SIL1: variants seen among roughly 807,000 people sequenced by gnomAD.
SIL1 encodes the protein nucleotide exchange factor SIL1.
SIL1 carries 40 observed loss-of-function variants against 49.1 expected under a neutral mutation model. That is an observed-to-expected ratio of 0.81 (90% CI 0.63 to 1.06). The LOEUF (loss-of-function observed/expected upper bound fraction) is 1.06. Among genes scored for constraint, SIL1 ranks in the 50% least tolerant of loss-of-function variants. The pLI is 0.00. For synonymous variants in SIL1, 253 were observed against 250.8 expected (o/e 1.01, Z -0.08); for missense variants, 500 against 572.6 (o/e 0.87, Z 1.29).
intron 7 of SIL1, among the ~76,000 whole-genome samples, chr5:139,011,069 C>A (rs1180695240): frequency 1.3e-5 from 2 of 150,936 alleles, no homozygotes; most frequent in Non-Finnish European, 3.0e-5. Context: ...AGCCTCGCTG[C>A]CGCCTTGCAG....
chr5:139,006,530 C>T (rs867914439), intron 7 of SIL1, among the ~76,000 whole-genome samples: 1,503 of 144,986 alleles, frequency 0.01, 29 homozygotes, highest in African/African-American at 0.037. Flanking sequence ...TCCTTGCCCA[C>T]GCCTATGTCC....
intron 3 of SIL1, among the ~76,000 whole-genome samples, chr5:139,072,696 C>CA (rs1369721030): frequency 6.6e-6 from 1 of 151,916 alleles, no homozygotes; most frequent in African/African-American, 2.4e-5. Context: ...GCATCAAAAG[C>CA]AAAAATAGAC....
rs1415176212 is a variant in SIL1 at position 139,198,301 on chromosome 5, A to C, written c.-43T>G. On this transcript the variant is annotated 5_prime_UTR_variant, in exon 1 of 10. Coordinates refer to ENST00000394817, the MANE Select transcript of SIL1 (RefSeq NM_022464.5). Reference sequence around the variant, plus strand: ...CTCCGGCAGCCGAGTGGCAGACACAACTCCCACAATTCCAGGCGGCCGCGG... The same window carrying C: ...CTCCGGCAGCCGAGTGGCAGACACACCTCCCACAATTCCAGGCGGCCGCGG... 6.6e-6 allele frequency: 1 copy of C among 151,690 alleles called. No individual in the cohort carries two copies. Among genetic ancestry groups the C allele is most frequent in the African/African-American group, 2.4e-5 (1 of 41,244 alleles). 9.4% of individuals were successfully genotyped at this position (151,690 alleles called of 1,614,324 possible). A position where few individuals can be genotyped will look rare whatever the true frequency, so the allele number is the denominator to read the frequency against.
intron 3 of SIL1, among the ~76,000 whole-genome samples, chr5:139,110,063 GGA>G (rs1770809260): frequency 6.6e-6 from 1 of 151,974 alleles, no homozygotes; most frequent in South Asian, 2.1e-4. Context: ...TAGCTACTCA[GGA>G]GGCTGAGGCA....
At chr5:139,046,704 A>G (rs1039904734) in intron 4 of SIL1, among the ~76,000 whole-genome samples, 2 of 152,108 alleles carry the variant, frequency 1.3e-5, no homozygotes, top group African/African-American at 2.4e-5. Context: ...TTGCTCCCCA[A>G]TGGATGTCTT....
intron 1 of SIL1, among the ~76,000 whole-genome samples, chr5:139,139,648 T>C (rs1253029813): frequency 1.3e-5 from 2 of 152,212 alleles, no homozygotes; most frequent in Non-Finnish European, 2.9e-5. Flanking sequence ...TCACATTCAG[T>C]GGATAATGTG....
chr5:139,170,077 C>CGGGCT (rs955394983), intron 1 of SIL1, among the ~76,000 whole-genome samples: 7 of 151,668 alleles, frequency 4.6e-5, no homozygotes, highest in African/African-American at 1.7e-4. Flanking sequence ...CTGTGTTGGC[C>CGGGCT]GGGCTGGTCT....
intron 6 of SIL1, among the ~76,000 whole-genome samples, chr5:139,024,656 T>C (rs1040004893): frequency 6.6e-6 from 1 of 152,256 alleles, no homozygotes; most frequent in Admixed American, 6.5e-5. Flanking sequence ...CTGTTGCCCC[T>C]AGTCTGGATT....
chr5:139,150,123 A>T (rs1751268349), intron 1 of SIL1, among the ~76,000 whole-genome samples: 1 of 152,238 alleles, frequency 6.6e-6, no homozygotes, highest in African/African-American at 2.4e-5. Context: ...AGGAGCCAGT[A>T]AACAGAATTT....
chr5:138,960,280 TAGAC>T (rs1766989839), intron 7 of SIL1, among the ~76,000 whole-genome samples: 3 of 152,204 alleles, frequency 2.0e-5, no homozygotes, highest in Admixed American at 1.3e-4. Context: ...GAATGCAGGT[TAGAC>T]AGACAGAGTC....
intron 1 of SIL1, among the ~76,000 whole-genome samples, chr5:139,195,222 G>A (rs186177762): frequency 2.0e-5 from 3 of 151,648 alleles, no homozygotes; most frequent in Non-Finnish European, 2.9e-5. Flanking sequence ...GTGAGCCACC[G>A]CACCCGGCCA....
chr5:139,026,862 G>A lies in SIL1; in HGVS notation c.584C>T (p.Ser195Phe). ...MVRLINKFNS[S>F]SSSLEEKIAA... The stretch of plus-strand genomic sequence containing the variant: ...AATCTTCTCTTCCAAACTGGAGCTG[G>A]AACTATTGAACTTGTTGATCAGCCG... The change falls in exon 6 of 10, where the codon TCC becomes TTC. Residue 195 changes from serine (S) to phenylalanine (F), a missense_variant. Coordinates refer to ENST00000394817, the MANE Select transcript of SIL1 (RefSeq NM_022464.5). The A allele has an allele frequency of 1.2e-6, 2 of 1,614,154 alleles. No individual in the cohort carries two copies. Among genetic ancestry groups the A allele is most frequent in the Non-Finnish European group, 1.7e-6 (2 of 1,180,032 alleles).
intron 8 of SIL1, 34 bp from the exon 9 acceptor site, chr5:138,951,369 C>A: frequency 1.3e-6 from 2 of 1,549,934 alleles, no homozygotes; most frequent in Non-Finnish European, 1.7e-6. Flanking sequence ...GGTGAGGGGC[C>A]AAGCGAGCTG....
At chr5:139,169,416 C>T (rs1053594154) in intron 1 of SIL1, among the ~76,000 whole-genome samples, 1 of 151,660 alleles carries the variant, frequency 6.6e-6, no homozygotes, top group Non-Finnish European at 1.5e-5. Flanking sequence ...AAACACAAGG[C>T]ATACAATGAA....
chr5:139,060,241 A>G (rs1165559900), intron 3 of SIL1, among the ~76,000 whole-genome samples: 1 of 152,358 alleles, frequency 6.6e-6, no homozygotes, highest in East Asian at 1.9e-4. Flanking sequence ...GGAGCTATAA[A>G]AAAGAACAGT....
At chr5:139,092,244 C>T (rs1346256058) in intron 3 of SIL1, among the ~76,000 whole-genome samples, 1 of 152,126 alleles carries the variant, frequency 6.6e-6, no homozygotes, top group African/African-American at 2.4e-5. Context: ...CTAGGCCTCC[C>T]CTCCCTTCTT....
chr5:139,014,642 G>A (rs2150422968), intron 7 of SIL1, among the ~76,000 whole-genome samples: 1 of 152,286 alleles, frequency 6.6e-6, no homozygotes, highest in East Asian at 1.9e-4. Context: ...GCAGTACTCA[G>A]GATAGCTGGT....
At chr5:139,027,089 C>T in intron 5 of SIL1, 97 bp from the exon 6 acceptor site, 2 of 1,099,212 alleles carry the variant, frequency 1.8e-6, no homozygotes, top group Non-Finnish European at 2.7e-6. Flanking sequence ...AAAACTGCTG[C>T]TCCAAGACTC....
chr5:139,152,765 C>G (rs746034604), intron 1 of SIL1, among the ~76,000 whole-genome samples: 1 of 152,158 alleles, frequency 6.6e-6, no homozygotes, highest in Non-Finnish European at 1.5e-5. Flanking sequence ...ATTCCATACT[C>G]GCAACCTGCC....
Sources: gnomAD v4.1 joint callset for allele counts (sites outside exome capture counted in the v4.1 genomes callset) on GRCh38, gnomAD v4.1.1 for gene constraint, MANE v1.5 for transcripts, NCBI Gene and HGNC (gene_info 2026-07-23, HGNC 2026-07-21) for gene names.